Variants in SLC1A6 observed in about 807,000 individuals in gnomAD.
The protein encoded by SLC1A6 is excitatory amino acid transporter 4.
Under a neutral mutation model 42.1 loss-of-function variants are expected in SLC1A6, and 15 were observed. That is an observed-to-expected ratio of 0.36 (90% CI 0.24 to 0.55). SLC1A6 has a LOEUF of 0.55. Among genes scored for constraint, SLC1A6 ranks in the 20% least tolerant of loss-of-function variants. SLC1A6 has a pLI of 0.88. For synonymous variants in SLC1A6, 317 were observed against 319.7 expected, an observed-to-expected ratio of 0.99 and a Z score of 0.09; for missense variants, 542 against 772.5, an observed-to-expected ratio of 0.70 and a Z score of 3.54.
chr19:15,001,064 T>A (rs1449882101), intron 1 of SLC1A6, among the ~76,000 whole-genome samples: 1 of 152,222 alleles, frequency 6.6e-6, no homozygotes, highest in Non-Finnish European at 1.5e-5. Context: ...AAGTCCTTGG[T>A]TGGTCCACAC....
intron 1 of SLC1A6, among the ~76,000 whole-genome samples, chr19:15,010,225 G>GAGAAAAGAAAAGAAAAGAAA (rs145113862): frequency 2.3e-3 from 206 of 89,930 alleles, no homozygotes; most frequent in African/African-American, 6.6e-3. Flanking sequence ...AAGAGAGAGA[G>GAGAAAAGAAAAGAAAAGAAA]AGAAAAGAAA....
intron 1 of SLC1A6, among the ~76,000 whole-genome samples, chr19:14,994,249 G>C (rs1033635446): frequency 6.6e-6 from 1 of 152,020 alleles, no homozygotes; most frequent in African/African-American, 2.4e-5. Context: ...GGAGGCAAGA[G>C]GGATGAAAGA....
intron 1 of SLC1A6, among the ~76,000 whole-genome samples, chr19:15,002,619 G>A (rs779073123): frequency 3.9e-5 from 6 of 152,204 alleles, no homozygotes; most frequent in Non-Finnish European, 7.3e-5. Context: ...GGATCAGGAG[G>A]TGAGGACCAT....
chr19:15,007,312 T>C (rs748303305), intron 1 of SLC1A6, among the ~76,000 whole-genome samples: 45 of 152,188 alleles, frequency 3.0e-4, no homozygotes, highest in Non-Finnish European at 3.8e-4. Context: ...TGAGACTCCA[T>C]TGACATGAAA....
At chr19:14,994,994 CA>C (rs1367144596) in intron 1 of SLC1A6, among the ~76,000 whole-genome samples, 1 of 152,062 alleles carries the variant, frequency 6.6e-6, no homozygotes, top group Non-Finnish European at 1.5e-5. Flanking sequence ...TGATCTCACT[CA>C]TATGTGGAAT....
chr19:14,975,767 GAA>G (rs113839284), intron 1 of SLC1A6, among the ~76,000 whole-genome samples: 1 of 130,064 alleles, frequency 7.7e-6, no homozygotes, highest in Admixed American at 8.2e-5. Flanking sequence ...AAAAAAAAAG[GAA>G]AAAAAAAAAA....
intron 1 of SLC1A6, among the ~76,000 whole-genome samples, chr19:14,992,051 C>T (rs1254262914): frequency 1.3e-5 from 2 of 152,136 alleles, no homozygotes; most frequent in Non-Finnish European, 2.9e-5. Context: ...GTCTTGAACT[C>T]CTGACCTTAG....
At chr19:14,995,054 G>T (rs931878155) in intron 1 of SLC1A6, among the ~76,000 whole-genome samples, 4 of 152,092 alleles carry the variant, frequency 2.6e-5, no homozygotes, top group Non-Finnish European at 5.9e-5. Context: ...GCCGAGTGTG[G>T]TGGCTCACAC....
At chr19:14,996,397 T>C (rs1417311165) in intron 1 of SLC1A6, among the ~76,000 whole-genome samples, 1 of 152,290 alleles carries the variant, frequency 6.6e-6, no homozygotes, top group East Asian at 1.9e-4. Context: ...GGATTGTACT[T>C]AATGCCACTG....
At chr19:14,958,930 T>C (rs1326158719) in intron 6 of SLC1A6, among the ~76,000 whole-genome samples, 1 of 152,196 alleles carries the variant, frequency 6.6e-6, no homozygotes, top group Non-Finnish European at 1.5e-5. Flanking sequence ...TCAAGTTCCT[T>C]ATATGAAGAA....
chr19:14,959,015 A>C (rs970361091), intron 6 of SLC1A6, among the ~76,000 whole-genome samples: 2 of 152,226 alleles, frequency 1.3e-5, no homozygotes, highest in African/African-American at 4.8e-5. Flanking sequence ...TTTCTTTTAA[A>C]GACTAACTTC....
chr19:14,955,536 T>C (rs1317659518), intron 7 of SLC1A6, among the ~76,000 whole-genome samples: 2 of 151,462 alleles, frequency 1.3e-5, no homozygotes, highest in East Asian at 3.9e-4. Context: ...GGAGGATCAC[T>C]TGAGCCTGGG....
chr19:14,972,749 G>A lies in SLC1A6; in HGVS notation c.162C>T (p.Arg54=). Residue 54 remains arginine, a synonymous_variant, in exon 2 of 10, where the codon CGC becomes CGT. Transcript: ENST00000594383. Reference sequence around the variant, plus strand: ...CCGTCAGCAGAATGAAGGCGTTTCGGCGCAGGAAGCGCAGCACGTGCTCGA... The same window carrying A: ...CCGTCAGCAGAATGAAGGCGTTTCGACGCAGGAAGCGCAGCACGTGCTCGA... ...MTLEHVLRFL[R]RNAFILLTVS... 1.2e-6 allele frequency: 2 copies of A among 1,614,040 alleles called. No individual in the cohort carries two copies. Among genetic ancestry groups the A allele is most frequent in the Non-Finnish European group, 1.7e-6 (2 of 1,180,038 alleles).
intron 1 of SLC1A6, among the ~76,000 whole-genome samples, chr19:14,995,708 A>G (rs1315086204): frequency 6.6e-6 from 1 of 152,224 alleles, no homozygotes; most frequent in African/African-American, 2.4e-5. Context: ...ATTTTTAATT[A>G]AAACATATAT....
intron 6 of SLC1A6, among the ~76,000 whole-genome samples, chr19:14,959,661 C>A (rs1226857847): frequency 2.0e-5 from 3 of 152,202 alleles, no homozygotes; most frequent in Non-Finnish European, 4.4e-5. Context: ...CCACCACTCC[C>A]AACTTACCCC....
chr19:14,980,829 A>G (rs1395524727), upstream of SLC1A6, among the ~76,000 whole-genome samples: 1 of 152,104 alleles, frequency 6.6e-6, no homozygotes, highest in African/African-American at 2.4e-5. Flanking sequence ...GGGCGGGGAC[A>G]GGTGCTCAGA....
At chr19:14,974,797 G>A (rs1197942349) in intron 1 of SLC1A6, 2 of 151,892 alleles carry the variant, frequency 1.3e-5, no homozygotes, top group East Asian at 3.9e-4. Flanking sequence ...AGCTGCTGTG[G>A]CTCATGCCTG....
chr19:14,977,462 C>T (rs1308455714), intron 1 of SLC1A6: 1 of 152,110 alleles, frequency 6.6e-6, no homozygotes, highest in African/African-American at 2.4e-5. Context: ...AATTTGCTGA[C>T]CCCTGGAGAA....
chr19:14,983,801 G>A (rs1395186287), upstream of SLC1A6, among the ~76,000 whole-genome samples: 1 of 149,648 alleles, frequency 6.7e-6, no homozygotes, highest in Non-Finnish European at 1.5e-5. Context: ...TGTTAGGTAA[G>A]CTATGCTCAG....
Sources: gnomAD v4.1 joint callset for allele counts (sites outside exome capture counted in the v4.1 genomes callset) on GRCh38, gnomAD v4.1.1 for gene constraint, MANE v1.5 for transcripts, NCBI Gene and HGNC (gene_info 2026-07-23, HGNC 2026-07-21) for gene names.